Variants in OSMR observed in about 807,000 individuals in gnomAD.
OSMR encodes the protein oncostatin M receptor.
Under a neutral mutation model 99.9 loss-of-function variants are expected in OSMR, and 81 were observed. The observed-to-expected ratio is 0.81, with a 90% confidence interval of 0.68 to 0.97. The LOEUF (loss-of-function observed/expected upper bound fraction) is 0.97, where lower values mean the gene tolerates loss of function less well. Ranked by LOEUF, OSMR falls within the 50% of genes least tolerant of loss-of-function variation. The pLI, the probability that OSMR is intolerant of heterozygous loss-of-function variation, is 0.00. For synonymous variants in OSMR, 406 were observed against 410.4 expected (o/e 0.99, Z 0.13); for missense variants, 1,099 against 1,153.4 (o/e 0.95, Z 0.68).
intron 14 of OSMR, 36 bp downstream of exon 14, chr5:38,924,631 C>T (rs1273968717): frequency 6.8e-7 from 1 of 1,466,048 alleles, no homozygotes; most frequent in Non-Finnish European, 9.6e-7. Context: ...TTTATTCTTT[C>T]AAGATCTCAT....
At chr5:38,902,356 A>T (rs1299908816) in intron 7 of OSMR, among the ~76,000 whole-genome samples, 1 of 152,212 alleles carries the variant, frequency 6.6e-6, no homozygotes, top group Non-Finnish European at 1.5e-5. Context: ...CCTATGATGC[A>T]CTGACTGATA....
intron 3 of OSMR, among the ~76,000 whole-genome samples, chr5:38,881,102 T>C (rs985530043): frequency 1.3e-5 from 2 of 152,198 alleles, no homozygotes; most frequent in Non-Finnish European, 2.9e-5. Flanking sequence ...ATGGAACTTC[T>C]GGTGTGCCAT....
At chr5:38,853,012 T>A (rs1256233349) in intron 1 of OSMR, among the ~76,000 whole-genome samples, 1 of 152,146 alleles carries the variant, frequency 6.6e-6, no homozygotes, top group Non-Finnish European at 1.5e-5. Context: ...ATTACAGGCG[T>A]GAGCCACCGC....
intron 15 of OSMR, among the ~76,000 whole-genome samples, chr5:38,930,920 T>TTGTGTGTGTG (rs55964556): frequency 1.5e-3 from 209 of 141,974 alleles, no homozygotes; most frequent in East Asian, 5.1e-3. Context: ...CAGAAGCATT[T>TTGTGTGTGTG]TGTGTGTGTG....
intron 12 of OSMR, among the ~76,000 whole-genome samples, chr5:38,922,514 A>G (rs568598616): frequency 2.6e-4 from 39 of 152,278 alleles, no homozygotes; most frequent in African/African-American, 9.1e-4. Flanking sequence ...TTGGAGCCAA[A>G]GAAGGGCTTG....
At chr5:38,883,571 C>A in intron 4 of OSMR, 1 of 344,816 alleles carries the variant, frequency 2.9e-6, no homozygotes, top group Non-Finnish European at 4.1e-6. Flanking sequence ...ATGCAATTAT[C>A]AGAGTGGTAA....
downstream of OSMR, chr5:38,939,050 G>A (rs1747254983): frequency 4.3e-6 from 1 of 233,006 alleles, no homozygotes; most frequent in Non-Finnish European, 8.5e-6. Flanking sequence ...CACAAAATTA[G>A]CACCTCACTC....
intron 1 of OSMR, among the ~76,000 whole-genome samples, chr5:38,861,279 T>C (rs561960269): frequency 6.6e-6 from 1 of 152,136 alleles, no homozygotes; most frequent in Non-Finnish European, 1.5e-5. Context: ...CCTTCCGCAG[T>C]GTTTGTGTCC....
At chr5:38,925,851 G>C (rs1208881591) in intron 15 of OSMR, among the ~76,000 whole-genome samples, 1 of 152,194 alleles carries the variant, frequency 6.6e-6, no homozygotes, top group Non-Finnish European at 1.5e-5. Context: ...AGGGCCTCCA[G>C]GGGCAATTAG....
chr5:38,863,218 AGG>A (rs1579646618), intron 1 of OSMR, among the ~76,000 whole-genome samples: 4 of 13,638 alleles, frequency 2.9e-4, no homozygotes, highest in East Asian at 7.4e-4. Flanking sequence ...GGGGAGGGGG[AGG>A]GGGAGAGATG....
intron 1 of OSMR, chr5:38,942,191 A>C: frequency 1.7e-6 from 1 of 592,942 alleles, no homozygotes; most frequent in South Asian, 3.1e-5. Flanking sequence ...GGAACAGTGT[A>C]CAGAAGATAC....
chr5:38,903,051 A>G (rs559858134), intron 7 of OSMR, among the ~76,000 whole-genome samples: 3 of 152,130 alleles, frequency 2.0e-5, no homozygotes, highest in African/African-American at 7.2e-5. Context: ...GAGATAGGGT[A>G]TTGCCCCTTC....
chr5:38,935,835 A>G (rs1294126038), downstream of OSMR, among the ~76,000 whole-genome samples: 3 of 151,840 alleles, frequency 2.0e-5, no homozygotes, highest in Non-Finnish European at 4.4e-5. Context: ...TCTACACACT[A>G]AACTTTGAGA....
At chr5:38,905,887 T>C (rs1745198118) in intron 9 of OSMR, among the ~76,000 whole-genome samples, 2 of 152,204 alleles carry the variant, frequency 1.3e-5, no homozygotes, top group Admixed American at 1.3e-4. Flanking sequence ...TTCTGTCTGA[T>C]TCTGGGAGGA....
chr5:38,852,983 G>A (rs535509036), intron 1 of OSMR, among the ~76,000 whole-genome samples: 7 of 151,678 alleles, frequency 4.6e-5, no homozygotes, highest in East Asian at 3.9e-4. Flanking sequence ...CGCCCGCCTC[G>A]GCCTCCCAAA....
rs545655158 is a variant in OSMR, at chr5:38,925,346, G to A, written c.2187G>A (p.Thr729=). The A allele has an allele frequency of 1.5e-5, 24 of 1,614,026 alleles. No individual in the cohort carries two copies. The highest frequency in any genetic ancestry group is 6.7e-5 in the East Asian group (3 of 44,868). ...SAGEGPSATF[T]KVTTPDEHSS... ...GTGAAGGCCCCAGTGCTACGTTCACGAAGGTCACGACTCCGGATGAACACT... is the reference window on the plus strand; with the variant it reads ...GTGAAGGCCCCAGTGCTACGTTCACAAAGGTCACGACTCCGGATGAACACT... The change falls in exon 15 of 18, where the codon ACG becomes ACA. Residue 729 remains threonine, a synonymous_variant. Transcript: ENST00000274276.
intron 1 of OSMR, among the ~76,000 whole-genome samples, chr5:38,848,279 C>T (rs1740048709): frequency 6.6e-6 from 1 of 152,098 alleles, no homozygotes. Context: ...GAAAAAAACC[C>T]AAACCAAAAC....
chr5:38,921,050 G>C (rs1231312604), intron 11 of OSMR, among the ~76,000 whole-genome samples: 1 of 152,098 alleles, frequency 6.6e-6, no homozygotes, highest in Non-Finnish European at 1.5e-5. Context: ...AGCAACTGAT[G>C]TTACCGTGGG....
chr5:38,884,388 C>CT (rs1477483996), intron 5 of OSMR, among the ~76,000 whole-genome samples: 1 of 152,046 alleles, frequency 6.6e-6, no homozygotes, highest in Non-Finnish European at 1.5e-5. Flanking sequence ...GGAAAATACC[C>CT]TTTTTTGCCC....
Sources: gnomAD v4.1 joint callset for allele counts (sites outside exome capture counted in the v4.1 genomes callset) on GRCh38, gnomAD v4.1.1 for gene constraint, MANE v1.5 for transcripts, NCBI Gene and HGNC (gene_info 2026-07-23, HGNC 2026-07-21) for gene names.